The following TBX19 variants were observed in gnomAD, a reference collection of about 807,000 sequenced individuals.
The protein encoded by TBX19 is T-box transcription factor TBX19.
In TBX19, 33 loss-of-function variants were observed where a neutral mutation model predicts 40.9. The ratio of observed to expected loss-of-function variants is 0.81; its 90% CI spans 0.61 to 1.08. The LOEUF is 1.08. Ranked by LOEUF, TBX19 falls within the 50% of genes least tolerant of loss-of-function variation. TBX19 has a pLI of 0.00. For missense variants in TBX19, 494 were observed against 574.0 expected (o/e 0.86, Z 1.42); for synonymous variants, 220 against 225.0 (o/e 0.98, Z 0.20).
intron 6 of TBX19, chr1:168,308,004 A>G (rs541528077): frequency 1.8e-4 from 28 of 152,344 alleles, no homozygotes; most frequent in Non-Finnish European, 3.5e-4. Flanking sequence ...CCTTTGACCA[A>G]TATCTCATTT....
At position 168,281,115 on chromosome 1, in the gene TBX19, C is replaced by T. The variant is rs146259816; in HGVS notation, c.25C>T (p.Arg9Trp). Residue 9 changes from arginine (R) to tryptophan (W), a missense_variant, in exon 1 of 8, where the codon CGG (arginine) becomes TGG (tryptophan). Physicochemically the swap from Arg to Trp is moderately radical, Grantham distance 101 (BLOSUM62 -3). Coordinates refer to ENST00000367821, the MANE Select transcript of TBX19 (RefSeq NM_005149.3). MAMSELGT[R>W]KPSDGTVSHL... ...TATGGCCATGAGTGAGCTGGGCACT[C>T]GGAAGCCCAGCGATGGCACTGTTTC... 16 of 1,613,920 alleles carry T rather than the reference C, an allele frequency of 9.9e-6. No homozygotes were observed. The highest frequency in any genetic ancestry group is 2.7e-5 in the African/African-American group (2 of 74,882).
intron 1 of TBX19, among the ~76,000 whole-genome samples, chr1:168,283,527 A>G (rs1353286148): frequency 6.6e-6 from 1 of 152,142 alleles, no homozygotes; most frequent in Non-Finnish European, 1.5e-5. Context: ...TACCTTTGTT[A>G]ATATAGACAT....
At chr1:168,305,772 T>C (rs1572482607) in intron 6 of TBX19, among the ~76,000 whole-genome samples, 1 of 152,386 alleles carries the variant, frequency 6.6e-6, no homozygotes, top group East Asian at 1.9e-4. Context: ...TTTTTTCTCA[T>C]TGACTATTGC....
intron 7 of TBX19, among the ~76,000 whole-genome samples, chr1:168,311,303 A>G (rs1434898829): frequency 1.3e-5 from 2 of 152,194 alleles, no homozygotes; most frequent in Non-Finnish European, 2.9e-5. Context: ...TTTGCTGATG[A>G]AGAAACTGAA....
Position 168,281,238 on chromosome 1 carries a change from C to T in TBX19, c.148C>T (p.Leu50Phe), listed in dbSNP as rs866428753. Reference sequence around the variant, plus strand: ...TCAGATCATCCTGGAGGATGCACCTCTCTGGCAGAGATTCAAGGAAGTCAC... The same window carrying T: ...TCAGATCATCCTGGAGGATGCACCTTTCTGGCAGAGATTCAAGGAAGTCAC... ...QLQIILEDAP[L>F]WQRFKEVTNE... is the part of the protein sequence containing the mutation. Residue 50 changes from leucine to phenylalanine, a missense_variant, in exon 1 of 8, where the codon CTC becomes TTC. By Grantham distance (22) the Leu-to-Phe change is conservative (BLOSUM62 0). Around this residue, in one of 3 missense-constraint regions of TBX19, gnomAD observed 201 missense variants for 235.2 expected, o/e 0.85. Coordinates refer to ENST00000367821, the MANE Select transcript of TBX19 (RefSeq NM_005149.3). 1 of 1,614,166 alleles carries T rather than the reference C, an allele frequency of 6.2e-7. No individual in the cohort carries two copies. Among genetic ancestry groups the T allele is most frequent in the Non-Finnish European group, 8.5e-7 (1 of 1,180,018 alleles).
intron 4 of TBX19, 102 bp downstream of exon 4, chr1:168,297,887 T>G (rs532583890): frequency 2.9e-6 from 3 of 1,038,414 alleles, no homozygotes; most frequent in Non-Finnish European, 4.3e-6. Flanking sequence ...AGTAGCACTT[T>G]CATTACCTTT....
At chr1:168,305,229 A>G (rs752950162) in intron 6 of TBX19, 33 bp downstream of exon 6, 3 of 1,603,054 alleles carry the variant, frequency 1.9e-6, no homozygotes, top group South Asian at 1.1e-5. Flanking sequence ...CCCTTGGGGT[A>G]TGGGCTGGGG....
intron 1 of TBX19, among the ~76,000 whole-genome samples, chr1:168,285,261 TCACACACACACACACACACACACA>T (rs36217752): frequency 2.0e-5 from 3 of 148,062 alleles, no homozygotes; most frequent in African/African-American, 5.0e-5. Context: ...ACCATGTATG[TCACACACACACACACACACACACA>T]CACACACACA....
chr1:168,304,584 A>G (rs1021618534), intron 5 of TBX19, among the ~76,000 whole-genome samples: 1 of 152,214 alleles, frequency 6.6e-6, no homozygotes, highest in Non-Finnish European at 1.5e-5. Flanking sequence ...AGGCTCCTCT[A>G]TGCTCCTAGC....
At position 168,314,299 on chromosome 1, in the gene TBX19, T is replaced by G. The variant is rs1649591731; in HGVS notation, c.*1297T>G. 1.3e-5 allele frequency: 2 copies of G among 152,818 alleles called. No homozygotes were observed. Among genetic ancestry groups the G allele is most frequent in the Admixed American group, 6.5e-5 (1 of 15,288 alleles). 9.5% of individuals were successfully genotyped at this position (152,818 alleles called of 1,614,324 possible). A position where few individuals can be genotyped will look rare whatever the true frequency, so the allele number is the denominator to read the frequency against. On this transcript the variant is annotated 3_prime_UTR_variant, in exon 8 of 8. Transcript: ENST00000367821. ...GCCTTGTATTTTTGTTACCTGTGAG[T>G]GTGTCTCTCCCTATTAGACTGTAAG...
chr1:168,296,689 A>G (rs1251544337), intron 3 of TBX19, among the ~76,000 whole-genome samples: 1 of 152,114 alleles, frequency 6.6e-6, no homozygotes, highest in Non-Finnish European at 1.5e-5. Context: ...TCCTTCTTCC[A>G]TCAAGTCTCA....
intron 1 of TBX19, among the ~76,000 whole-genome samples, chr1:168,290,080 G>A (rs976554272): frequency 2.0e-5 from 3 of 152,020 alleles, no homozygotes; most frequent in Non-Finnish European, 2.9e-5. Context: ...TGTAATCCCA[G>A]CTACTCTCCT....
chr1:168,296,146 G>A (rs1407459877), intron 3 of TBX19, among the ~76,000 whole-genome samples: 1 of 152,146 alleles, frequency 6.6e-6, no homozygotes, highest in Admixed American at 6.5e-5. Flanking sequence ...GGAGGCCAGT[G>A]TTTCCTTTGC....
intron 6 of TBX19, chr1:168,308,412 C>T (rs1001830551): frequency 1.9e-5 from 7 of 360,438 alleles, no homozygotes; most frequent in African/African-American, 1.3e-4. Context: ...TGGTATGGTC[C>T]CTTCTTAAAA....
chr1:168,308,451 C>T (rs1007406374), intron 6 of TBX19: 1 of 413,322 alleles, frequency 2.4e-6, no homozygotes, highest in Non-Finnish European at 4.5e-6. Context: ...ATGAGTTAGA[C>T]AGATCGGTGT....
intron 7 of TBX19, among the ~76,000 whole-genome samples, chr1:168,310,791 AAT>A (rs908947891): frequency 1.4e-5 from 2 of 146,706 alleles, no homozygotes; most frequent in Non-Finnish European, 3.0e-5. Context: ...TTTGTATAAA[AAT>A]ATATATTTTA....
chr1:168,281,235 C>T lies in TBX19; in HGVS notation c.145C>T (p.Pro49Ser). 1 of 1,614,090 alleles carries T rather than the reference C, an allele frequency of 6.2e-7. No individual in the cohort carries two copies. Among genetic ancestry groups the T allele is most frequent in the Non-Finnish European group, 8.5e-7 (1 of 1,179,996 alleles). Residue 49 changes from proline to serine, a missense_variant, in exon 1 of 8, where the codon CCT becomes TCT. Coordinates refer to ENST00000367821, the MANE Select transcript of TBX19 (RefSeq NM_005149.3). ...KQLQIILEDA[P>S]LWQRFKEVTN... ...ACTTCAGATCATCCTGGAGGATGCA[C>T]CTCTCTGGCAGAGATTCAAGGAAGT...
At chr1:168,308,414 T>G (rs1030563991) in intron 6 of TBX19, 1 of 364,492 alleles carries the variant, frequency 2.7e-6, no homozygotes, top group Non-Finnish European at 5.3e-6. Context: ...GTATGGTCCC[T>G]TCTTAAAAGA....
intron 1 of TBX19, among the ~76,000 whole-genome samples, chr1:168,288,073 A>G (rs997845024): frequency 6.6e-6 from 1 of 152,216 alleles, no homozygotes; most frequent in African/African-American, 2.4e-5. Flanking sequence ...AAAACTCAGT[A>G]CAGCCATCCC....
Sources: allele counts gnomAD v4.1 joint callset (sites outside exome capture counted in the v4.1 genomes callset), GRCh38; gene constraint gnomAD v4.1.1; regional missense constraint gnomAD v4.1.1; transcripts MANE v1.5; gene names NCBI Gene and HGNC (gene_info 2026-07-23, HGNC 2026-07-21).